Variants in TXNDC2 observed in about 807,000 individuals in gnomAD.
TXNDC2 encodes the protein thioredoxin domain containing 2.
TXNDC2 carries 1 observed loss-of-function variant against 0.4 expected under a neutral mutation model. That is an observed-to-expected ratio of 2.30 (90% CI 0.82 to 10.89). The LOEUF (loss-of-function observed/expected upper bound fraction) is 10.89, where lower values mean the gene tolerates loss of function less well. TXNDC2 is among the 30% of genes most tolerant of loss of function. The pLI, the probability that TXNDC2 is intolerant of heterozygous loss-of-function variation, is 0.12. For synonymous variants in TXNDC2, 183 were observed against 224.6 expected (o/e 0.81, Z 1.66); for missense variants, 509 against 579.8 (o/e 0.88, Z 1.25).
Position 9,887,606 on chromosome 18 carries a change from A to T in TXNDC2, c.926A>T (p.Lys309Met). The T allele has an allele frequency of 6.2e-7, 1 of 1,604,064 alleles. No individual in the cohort carries two copies. The highest frequency in any genetic ancestry group is 8.5e-7 in the Non-Finnish European group (1 of 1,175,450). ...CAGCCCAAGGAGGGTGACATTCCCAAGTCTCCAAAACAAGCCATCCAGCCC... is the reference window on the plus strand; with the variant it reads ...CAGCCCAAGGAGGGTGACATTCCCATGTCTCCAAAACAAGCCATCCAGCCC... ...AIQPKEGDIP[K>M]SPKQAIQPKE... The change falls in exon 2 of 2, where the codon AAG becomes ATG. Residue 309 changes from lysine to methionine, a missense_variant. Lys to Met is a moderately conservative substitution (Grantham distance 95). Around this residue, in one of 5 missense-constraint regions of TXNDC2, gnomAD observed 229 missense variants for 243.8 expected, o/e 0.94. Coordinates refer to ENST00000357775, the MANE Select transcript of TXNDC2 (RefSeq NM_032243.6).
chr18:9,887,428 TCCCC>T lies in TXNDC2; in HGVS notation c.749_752del (p.Ser250Ter). 2 of 1,078,044 alleles carry T rather than the reference TCCCC, an allele frequency of 1.9e-6. No individual in the cohort carries two copies. The highest frequency in any genetic ancestry group is 2.6e-6 in the Non-Finnish European group (2 of 781,638). The allele number at this position is 1,078,044 out of a possible 1,614,324, so 66.8% of individuals were successfully genotyped here. A position where few individuals can be genotyped will look rare whatever the true frequency, so the allele number is the denominator to read the frequency against. The stretch of plus-strand genomic sequence containing the variant: ...GCCCAAGGAGGGTGACATCCCCAAG[TCCCC>T]AGAAGAAGCCATCCAGCCCAAGGAG... On this transcript the variant is annotated frameshift_variant, in exon 2 of 2. Coordinates refer to ENST00000357775, the MANE Select transcript of TXNDC2 (RefSeq NM_032243.6). LOFTEE classifies it low-confidence loss of function (END_TRUNC).
rs1323060638 is a variant in TXNDC2, at chr18:9,886,629, G to A, written c.-52G>A. On this transcript the variant is annotated 5_prime_UTR_variant, in exon 2 of 2. Coordinates refer to ENST00000357775, the MANE Select transcript of TXNDC2 (RefSeq NM_032243.6). Reference sequence around the variant, plus strand: ...TCCTGTCCAGCAACGTGCCTCTCCTGGCCCTAGAGTTCTTGGAAATAGCCC... The same window carrying A: ...TCCTGTCCAGCAACGTGCCTCTCCTAGCCCTAGAGTTCTTGGAAATAGCCC... 9 of 1,613,704 alleles carry A rather than the reference G, an allele frequency of 5.6e-6. No individual in the cohort carries two copies. Among genetic ancestry groups the A allele is most frequent in the African/African-American group, 2.7e-5 (2 of 74,816 alleles).
At chr18:9,886,493 G>T in intron 1 of TXNDC2, 96 bp from the exon 2 acceptor site, 1 of 1,122,756 alleles carries the variant, frequency 8.9e-7, no homozygotes, top group Non-Finnish European at 1.2e-6. Context: ...AGTGACATCA[G>T]TCTTCCTTGG....
rs2068978819 is a variant in TXNDC2, at chr18:9,889,108, C to T, written c.*967C>T. 6.6e-6 allele frequency: 1 copy of T among 152,042 alleles called. No homozygotes were observed. The allele number at this position is 152,042 out of a possible 1,614,324, so 9.4% of individuals were successfully genotyped here. A position where few individuals can be genotyped will look rare whatever the true frequency, so the allele number is the denominator to read the frequency against. On this transcript the variant is annotated 3_prime_UTR_variant, in exon 2 of 2. Coordinates refer to ENST00000357775, the MANE Select transcript of TXNDC2 (RefSeq NM_032243.6). ...CTGAACCATAGACAGAGGCTTAGTC[C>T]AGAGTGGGTTTTTAAAAATGAATAA...
Position 9,888,573 on chromosome 18 carries a change from G to T in TXNDC2, c.*432G>T. Reference sequence around the variant, plus strand: ...TTGGGGATTCTGATAAGATATGTTTGGAAATAAGGAATTTGAAAGATTCAC... The same window carrying T: ...TTGGGGATTCTGATAAGATATGTTTTGAAATAAGGAATTTGAAAGATTCAC... On this transcript the variant is annotated 3_prime_UTR_variant, in exon 2 of 2. Coordinates refer to ENST00000357775, the MANE Select transcript of TXNDC2 (RefSeq NM_032243.6). 1 of 155,846 alleles carries T rather than the reference G, an allele frequency of 6.4e-6. No individual in the cohort carries two copies. Among genetic ancestry groups the T allele is most frequent in the Non-Finnish European group, 1.4e-5 (1 of 70,430 alleles). 9.7% of individuals were successfully genotyped at this position (155,846 alleles called of 1,614,324 possible). A position where few individuals can be genotyped will look rare whatever the true frequency, so the allele number is the denominator to read the frequency against.
intron 1 of TXNDC2, 190 bp downstream of exon 1, chr18:9,886,270 A>C: frequency 1.2e-6 from 2 of 1,613,868 alleles, no homozygotes; most frequent in Non-Finnish European, 1.7e-6. Context: ...AAACAAGTGA[A>C]GGTGATGCTA....
chr18:9,886,152 G>GA, intron 1 of TXNDC2, 72 bp downstream of exon 1: 1 of 1,602,440 alleles, frequency 6.2e-7, no homozygotes, highest in Non-Finnish European at 8.5e-7. Context: ...CCTTTACTAT[G>GA]AGGCATCTAT....
At position 9,888,965 on chromosome 18, in the gene TXNDC2, C is replaced by T. The variant is rs2068978192; in HGVS notation, c.*824C>T. The T allele has an allele frequency of 6.6e-6, 1 of 152,152 alleles. No individual in the cohort carries two copies. The highest frequency in any genetic ancestry group is 2.4e-5 in the African/African-American group (1 of 41,444). The allele number at this position is 152,152 out of a possible 1,614,324, so 9.4% of individuals were successfully genotyped here. A position where few individuals can be genotyped will look rare whatever the true frequency, so the allele number is the denominator to read the frequency against. On this transcript the variant is annotated 3_prime_UTR_variant, in exon 2 of 2. Coordinates refer to ENST00000357775, the MANE Select transcript of TXNDC2 (RefSeq NM_032243.6). ...GAACAAGCCAGCCTTTAACATGACT[C>T]TACCAGCTTAGACATATAGGCCTAG... is the stretch of plus-strand genomic sequence containing the variant.
chr18:9,887,957 T>C lies in TXNDC2; in HGVS notation c.1277T>C (p.Leu426Pro), dbSNP rs372724106. The C allele has an allele frequency of 1.4e-4, 232 of 1,614,072 alleles. No homozygotes were observed. Among genetic ancestry groups the C allele is most frequent in the Non-Finnish European group, 1.9e-4 (224 of 1,180,040 alleles). ...ACCATCAGACCATTCTTCCATGCCCTGTCTGTGAAGCATGAGGATGTGGTG... is the reference window on the plus strand; with the variant it reads ...ACCATCAGACCATTCTTCCATGCCCCGTCTGTGAAGCATGAGGATGTGGTG... ...CRTIRPFFHA[L>P]SVKHEDVVFL... is the part of the protein sequence containing the mutation. Residue 426 changes from leucine to proline, a missense_variant, in exon 2 of 2, where the codon CTG becomes CCG. Physicochemically the swap from Leu to Pro is moderately conservative, Grantham distance 98. This residue lies in a region of TXNDC2 where 229 missense variants were observed against 243.8 expected (regional missense o/e 0.94). Transcript: ENST00000357775.
In TXNDC2 at chr18:9,888,151, C is replaced by A. The variant is rs763110505; in HGVS notation, c.*10C>A. The A allele has an allele frequency of 6.3e-7, 1 of 1,588,346 alleles. No individual in the cohort carries two copies. Among genetic ancestry groups the A allele is most frequent in the Admixed American group, 1.7e-5 (1 of 57,856 alleles). On this transcript the variant is annotated 3_prime_UTR_variant, in exon 2 of 2. Coordinates refer to ENST00000357775, the MANE Select transcript of TXNDC2 (RefSeq NM_032243.6). ...TGCAGAATTAAAGTAAACATGTATT[C>A]TGAAAACATTGCAGACAGTCAGGTG...
At chr18:9,886,136 G>A (rs1180573482) in intron 1 of TXNDC2, 56 bp downstream of exon 1, 1 of 1,565,332 alleles carries the variant, frequency 6.4e-7, no homozygotes, top group Admixed American at 1.7e-5. Flanking sequence ...AAGTTGGAGG[G>A]TACGGCCTTT....
rs758966819 is a variant in TXNDC2 at position 9,887,565 on chromosome 18, C to T, written c.885C>T (p.Ser295=). 59 of 1,595,342 alleles carry T rather than the reference C, an allele frequency of 3.7e-5. No homozygotes were observed. Among genetic ancestry groups the T allele is most frequent in the Non-Finnish European group, 4.5e-5 (53 of 1,169,964 alleles). ...IQPKKGDIPK[S]PEEAIQPKEG... ...CCAAGAAGGGTGACATCCCCAAGTC[C>T]CCAGAAGAAGCCATCCAGCCCAAGG... is the stretch of plus-strand genomic sequence containing the variant. The change falls in exon 2 of 2, where the codon TCC becomes TCT. Residue 295 remains serine (S), a synonymous_variant. Coordinates refer to ENST00000357775, the MANE Select transcript of TXNDC2 (RefSeq NM_032243.6).
chr18:9,886,062 T>A lies in TXNDC2; in HGVS notation c.-111T>A. The A allele has an allele frequency of 1.2e-6, 1 of 824,666 alleles. No homozygotes were observed. The highest frequency in any genetic ancestry group is 1.7e-5 in the South Asian group (1 of 57,174). The allele number at this position is 824,666 out of a possible 1,614,324, so 51.1% of individuals were successfully genotyped here. A position where few individuals can be genotyped will look rare whatever the true frequency, so the allele number is the denominator to read the frequency against. On this transcript the variant is annotated 5_prime_UTR_variant, in exon 1 of 2. Coordinates refer to ENST00000357775, the MANE Select transcript of TXNDC2 (RefSeq NM_032243.6). Reference sequence around the variant, plus strand: ...GTGAATACAGAGAGGGAAAACCAACTGTAACGTGCCACCCAAATGTAAGTT... The same window carrying A: ...GTGAATACAGAGAGGGAAAACCAACAGTAACGTGCCACCCAAATGTAAGTT...
At position 9,887,586 on chromosome 18, in the gene TXNDC2, C is replaced by T; in HGVS notation, c.906C>T (p.Pro302=). 3 of 1,594,998 alleles carry T rather than the reference C, an allele frequency of 1.9e-6. No homozygotes were observed. Among genetic ancestry groups the T allele is most frequent in the Non-Finnish European group, 2.6e-6 (3 of 1,169,598 alleles). ...AGTCCCCAGAAGAAGCCATCCAGCC[C>T]AAGGAGGGTGACATTCCCAAGTCTC... is the stretch of plus-strand genomic sequence containing the variant. ...IPKSPEEAIQ[P]KEGDIPKSPK... The change falls in exon 2 of 2, where the codon CCC becomes CCT. Residue 302 remains proline, a synonymous_variant. Coordinates refer to ENST00000357775, the MANE Select transcript of TXNDC2 (RefSeq NM_032243.6).
At position 9,885,981 on chromosome 18, in the gene TXNDC2, C is replaced by T. The variant is rs17805483; in HGVS notation, c.-192C>T. The T allele has an allele frequency of 4.0e-5, 21 of 525,352 alleles. No homozygotes were observed. The highest frequency in any genetic ancestry group is 3.9e-4 in the Middle Eastern group (1 of 2,558). The allele number at this position is 525,352 out of a possible 1,614,324, so 32.5% of individuals were successfully genotyped here. On this transcript the variant is annotated 5_prime_UTR_variant, in exon 1 of 2. Coordinates refer to ENST00000357775, the MANE Select transcript of TXNDC2 (RefSeq NM_032243.6). ...TTCTAGGAAATGATGCCAGTGAATGCGTAGTCCCAGCCTCAGCACAGGGGA... is the reference window on the plus strand; with the variant it reads ...TTCTAGGAAATGATGCCAGTGAATGTGTAGTCCCAGCCTCAGCACAGGGGA...
In TXNDC2 at chr18:9,887,695, A is replaced by T. The variant is rs762380840; in HGVS notation, c.1015A>T (p.Lys339Ter). The T allele has an allele frequency of 6.2e-7, 1 of 1,613,134 alleles. No homozygotes were observed. The highest frequency in any genetic ancestry group is 1.7e-5 in the Admixed American group (1 of 59,754). The change falls in exon 2 of 2, where the codon AAG becomes TAG. Residue 339 changes from lysine to a stop codon, truncating the protein, a stop_gained. Coordinates refer to ENST00000357775, the MANE Select transcript of TXNDC2 (RefSeq NM_032243.6). LOFTEE classifies it low-confidence loss of function (END_TRUNC). ...CCCACCCAAGGAGATTGACATCCCC[A>T]AGTCCCCAGAAGAAACCATCCAGCC... ...AIPPKEIDIP[K>*]SPEETIQPKE...
At chr18:9,886,568 A>AAG (rs777728735) in intron 1 of TXNDC2, 21 bp from the exon 2 acceptor site, 1 of 1,471,750 alleles carries the variant, frequency 6.8e-7, no homozygotes, top group Non-Finnish European at 9.1e-7. Context: ...ATTTTATTTT[A>AAG]TTTTATGTTT....
At chr18:9,886,251 C>T in intron 1 of TXNDC2, 171 bp downstream of exon 1, 1 of 1,613,880 alleles carries the variant, frequency 6.2e-7, no homozygotes, top group Non-Finnish European at 8.5e-7. Context: ...AGGCTGGGCA[C>T]TCAGGAAGAA....
rs1448256062 is a variant in TXNDC2, at chr18:9,886,598, T to G, written c.-83T>G. 1 of 1,604,226 alleles carries G rather than the reference T, an allele frequency of 6.2e-7. No individual in the cohort carries two copies. The highest frequency in any genetic ancestry group is 8.5e-7 in the Non-Finnish European group (1 of 1,176,562). On this transcript the variant is annotated 5_prime_UTR_variant, in exon 2 of 2. It adds an upstream start codon to the 5' untranslated region. Transcript: ENST00000357775. Reference sequence around the variant, plus strand: ...ATGTTTTTTGGTACAGAAAGCTCATTACTAGTCCTGTCCAGCAACGTGCCT... The same window carrying G: ...ATGTTTTTTGGTACAGAAAGCTCATGACTAGTCCTGTCCAGCAACGTGCCT...
Sources: allele counts gnomAD v4.1 joint callset, GRCh38; gene constraint gnomAD v4.1.1; regional missense constraint gnomAD v4.1.1; transcripts MANE v1.5; gene names NCBI Gene and HGNC (gene_info 2026-07-23, HGNC 2026-07-21).